FER1L6: variants seen among roughly 807,000 people sequenced by gnomAD.
The protein encoded by FER1L6 is fer-1 like family member 6, also known as fer-1-like protein 6.
FER1L6 carries 177 observed loss-of-function variants against 219.2 expected under a neutral mutation model. The observed-to-expected ratio is 0.81, with a 90% CI of 0.71 to 0.91. The LOEUF is 0.91. Ranked by LOEUF, FER1L6 falls within the 40% of genes least tolerant of loss-of-function variation. The pLI is 0.00. For missense variants in FER1L6, 2,153 were observed against 2,259.9 expected (o/e 0.95, Z 0.96); for synonymous variants, 768 against 824.3 (o/e 0.93, Z 1.17).
chr8:123,914,114 T>G (rs1219849505), intron 1 of FER1L6, among the ~76,000 whole-genome samples: 1 of 152,198 alleles, frequency 6.6e-6, no homozygotes, highest in African/African-American at 2.4e-5. Context: ...ATTTAATCAG[T>G]TGCACTAGCC....
intron 1 of FER1L6, among the ~76,000 whole-genome samples, chr8:123,911,441 A>G (rs1813045308): frequency 6.6e-6 from 1 of 152,190 alleles, no homozygotes; most frequent in South Asian, 2.1e-4. Flanking sequence ...CACTGTTTCA[A>G]ATTCTCCAGT....
intron 16 of FER1L6, 129 bp downstream of exon 16, chr8:124,017,847 GA>G (rs1818269481): frequency 1.6e-6 from 1 of 622,538 alleles, no homozygotes; most frequent in Admixed American, 3.1e-5. Flanking sequence ...AGACAAGAGT[GA>G]AAAGGGACTA....
chr8:123,913,500 G>T (rs1393838218), intron 1 of FER1L6, among the ~76,000 whole-genome samples: 1 of 152,118 alleles, frequency 6.6e-6, no homozygotes, highest in Admixed American at 6.5e-5. Flanking sequence ...GTGAAAGGAG[G>T]CTTGGTCTGG....
At chr8:124,081,263 T>C (rs2130909411) in intron 32 of FER1L6, among the ~76,000 whole-genome samples, 1 of 152,278 alleles carries the variant, frequency 6.6e-6, no homozygotes, top group Non-Finnish European at 1.5e-5. Flanking sequence ...AGGAAGGCAT[T>C]TCCCTATAAC....
intron 1 of FER1L6, among the ~76,000 whole-genome samples, chr8:123,874,566 T>C (rs1356323926): frequency 6.6e-6 from 1 of 152,186 alleles, no homozygotes; most frequent in Non-Finnish European, 1.5e-5. Flanking sequence ...CCGCTACCAA[T>C]ACATCTACTG....
Position 124,060,223 on chromosome 8 carries a change from C to A in FER1L6, c.2918C>A (p.Pro973Gln). 6.2e-7 allele frequency: 1 copy of A among 1,613,880 alleles called. No homozygotes were observed. The highest frequency in any genetic ancestry group is 8.5e-7 in the Non-Finnish European group (1 of 1,179,932). The change falls in exon 23 of 41, where the codon CCA (proline) becomes CAA (glutamine). Residue 973 changes from proline (P) to glutamine (Q), a missense_variant. Transcript: ENST00000522917. ...CAAGGCCTCCCACCCGTTGAGCCAC[C>A]AGACATCACCCAGATCTACCCGGTT... ...GLQGLPPVEP[P>Q]DITQIYPVPA...
At chr8:124,059,395 T>TGAAGCCTTCTGGGACAG (rs763831204) in intron 22 of FER1L6, among the ~76,000 whole-genome samples, 122 of 152,326 alleles carry the variant, frequency 8.0e-4, no homozygotes, top group Non-Finnish European at 1.4e-3. Flanking sequence ...AGGCATTGAA[T>TGAAGCCTTCTGGGACAG]GGTAGAAGCA....
intron 13 of FER1L6, among the ~76,000 whole-genome samples, 165 bp downstream of exon 13, chr8:124,003,512 G>T (rs1292499033): frequency 7.5e-6 from 1 of 133,768 alleles, no homozygotes; most frequent in Non-Finnish European, 1.5e-5. Flanking sequence ...CACCAGACTG[G>T]AGTGCAGTGT....
Position 123,975,141 on chromosome 8 carries a change from C to T in FER1L6, c.527-9C>T, listed in dbSNP as rs746796679. On this transcript the variant is annotated splice_polypyrimidine_tract_variant and intron_variant, in intron 7 of 40. Coordinates refer to ENST00000522917, the MANE Select transcript of FER1L6 (RefSeq NM_001039112.2). ...GTGAAGGATGTGAGCTGTCAGGGTG[C>T]TTTCACAGGTCATCAGTTCTGCAAC... is the stretch of plus-strand genomic sequence containing the variant. The T allele has an allele frequency of 3.2e-6, 5 of 1,579,762 alleles. No homozygotes were observed. Among genetic ancestry groups the T allele is most frequent in the Non-Finnish European group, 4.3e-6 (5 of 1,160,344 alleles).
chr8:124,107,244 G>A (rs752792407), intron 39 of FER1L6, among the ~76,000 whole-genome samples: 16 of 152,036 alleles, frequency 1.1e-4, no homozygotes, highest in South Asian at 4.1e-4. Flanking sequence ...CACCGCGCCC[G>A]GCCAAGAGAT....
intron 39 of FER1L6, among the ~76,000 whole-genome samples, chr8:124,115,465 C>T (rs140904768): frequency 1.3e-5 from 2 of 152,196 alleles, no homozygotes; most frequent in Non-Finnish European, 2.9e-5. Flanking sequence ...CAAGGCTCTT[C>T]ATGATGATAA....
At chr8:124,099,588 T>A (rs1320060169) in intron 37 of FER1L6, among the ~76,000 whole-genome samples, 1 of 152,184 alleles carries the variant, frequency 6.6e-6, no homozygotes, top group Non-Finnish European at 1.5e-5. Flanking sequence ...ACCAATGCCA[T>A]CCAAATTGGC....
In FER1L6 at chr8:123,885,182, C is replaced by T. The variant is rs117493449; in HGVS notation, c.-8+32997C>T. Among the ~76,000 whole-genome samples the T allele has an allele frequency of 1.8e-3, 276 of 152,310 alleles. 1 individual carries two copies. The highest frequency in any genetic ancestry group is 2.7e-3 in the Non-Finnish European group (182 of 68,026). ...GCCCTCCCAGCACCTTAGTTTTGGA[C>T]TTCCAGCATCCGGAACTGTGAAGGA... On this transcript the variant is annotated intron_variant, in intron 1 of 40. Coordinates refer to ENST00000522917, the MANE Select transcript of FER1L6 (RefSeq NM_001039112.2).
intron 22 of FER1L6, among the ~76,000 whole-genome samples, chr8:124,057,280 T>G (rs1458666036): frequency 6.6e-6 from 1 of 152,230 alleles, no homozygotes; most frequent in Non-Finnish European, 1.5e-5. Context: ...GCTGAAGGTA[T>G]TATTCCATTG....
Position 123,975,325 on chromosome 8 carries a change from G to A in FER1L6, c.683+19G>A. 1 of 1,588,702 alleles carries A rather than the reference G, an allele frequency of 6.3e-7. No individual in the cohort carries two copies. The highest frequency in any genetic ancestry group is 8.6e-7 in the Non-Finnish European group (1 of 1,164,932). On this transcript the variant is annotated intron_variant, in intron 8 of 40. Transcript: ENST00000522917. ...TAGAAAAGTAAGACAGGTCCATCCT[G>A]GGTTGTGCATAGAAATGATATGTCC...
intron 1 of FER1L6, among the ~76,000 whole-genome samples, chr8:123,929,243 C>T (rs1813678079): frequency 6.6e-6 from 1 of 152,236 alleles, no homozygotes; most frequent in Non-Finnish European, 1.5e-5. Flanking sequence ...CATGCACATG[C>T]ATGAGATGCA....
chr8:123,943,301 G>A (rs888419527), intron 1 of FER1L6, among the ~76,000 whole-genome samples: 2 of 152,170 alleles, frequency 1.3e-5, no homozygotes, highest in African/African-American at 4.8e-5. Context: ...ACTGTCTGGA[G>A]CTAGGGCTCT....
In FER1L6 at chr8:124,021,641, T is replaced by C; in HGVS notation, c.2105T>C (p.Val702Ala). 1 of 1,614,118 alleles carries C rather than the reference T, an allele frequency of 6.2e-7. No homozygotes were observed. The highest frequency in any genetic ancestry group is 2.2e-5 in the East Asian group (1 of 44,888). Reference sequence around the variant, plus strand: ...ATGATTCACGAAGCCCAAAACTTTGTGGAAAAAATCCGCTTTCTTGTTGAT... The same window carrying C: ...ATGATTCACGAAGCCCAAAACTTTGCGGAAAAAATCCGCTTTCTTGTTGAT... The part of the protein sequence containing the change: ...DEMIHEAQNF[V>A]EKIRFLVDEP... Residue 702 changes from valine to alanine, a missense_variant, in exon 17 of 41, where the codon GTG becomes GCG. Val to Ala is a moderately conservative substitution (Grantham distance 64, BLOSUM62 0). Coordinates refer to ENST00000522917, the MANE Select transcript of FER1L6 (RefSeq NM_001039112.2).
At chr8:124,053,566 T>C (rs559617116) in intron 22 of FER1L6, among the ~76,000 whole-genome samples, 1 of 152,350 alleles carries the variant, frequency 6.6e-6, no homozygotes, top group East Asian at 1.9e-4. Context: ...TTTGTGGATG[T>C]CTGGCATCAG....
Sources: gnomAD v4.1 joint callset for allele counts (sites outside exome capture counted in the v4.1 genomes callset) on GRCh38, gnomAD v4.1.1 for gene constraint, MANE v1.5 for transcripts, NCBI Gene and HGNC (gene_info 2026-07-23, HGNC 2026-07-21) for gene names.